The following TNRC18 variants were observed in gnomAD, a reference collection of about 807,000 sequenced individuals.
TNRC18 encodes the protein trinucleotide repeat containing 18, also known as trinucleotide repeat-containing gene 18 protein.
A neutral mutation model predicts 226.7 loss-of-function variants in TNRC18; 69 were observed. That is an observed-to-expected ratio of 0.30 (90% CI 0.25 to 0.37). TNRC18 has a LOEUF of 0.37. Ranked by LOEUF, TNRC18 falls within the 10% of genes least tolerant of loss-of-function variation. TNRC18 has a pLI of 1.00. For synonymous variants in TNRC18, 2,449 were observed against 1,927.6 expected, an observed-to-expected ratio of 1.27 and a Z score of -7.09; for missense variants, 4,754 against 4,256.6, an observed-to-expected ratio of 1.12 and a Z score of -3.25.
In TNRC18 at chr7:5,324,659, C is replaced by T. The variant is rs1292152646; in HGVS notation, c.6301-304G>A. Reference sequence around the variant, plus strand: ...CATCACTATGGCAGGTGCCTCCGTTCCCTTCTTAGAGAAACTTCAGCAGCA... The same window carrying T: ...CATCACTATGGCAGGTGCCTCCGTTTCCTTCTTAGAGAAACTTCAGCAGCA... On this transcript the variant is annotated intron_variant, in intron 20 of 29. Transcript: ENST00000430969. This position sits in a 1 kb window ranked among gnomAD's most constrained non-coding sequence, Gnocchi z 4.8. Among the ~76,000 whole-genome samples the T allele has an allele frequency of 6.6e-6, 1 of 152,232 alleles. No homozygotes were observed. Among genetic ancestry groups the T allele is most frequent in the Non-Finnish European group, 1.5e-5 (1 of 68,040 alleles).
At chr7:5,333,148 C>T (rs2128127880) in intron 18 of TNRC18, 99 bp from the exon 19 acceptor site, 2 of 1,355,028 alleles carry the variant, frequency 1.5e-6, no homozygotes, top group Non-Finnish European at 2.0e-6. Flanking sequence ...GGGACCTCCC[C>T]GCCAATGGCA....
chr7:5,353,963 G>A (rs577892244), intron 16 of TNRC18, among the ~76,000 whole-genome samples: 1 of 152,064 alleles, frequency 6.6e-6, no homozygotes, highest in Non-Finnish European at 1.5e-5. Context: ...AGCACTTTGG[G>A]AGGCCGAGGC....
At chr7:5,406,946 C>A (rs1562630633) in intron 2 of TNRC18, among the ~76,000 whole-genome samples, 1 of 152,206 alleles carries the variant, frequency 6.6e-6, no homozygotes, top group Admixed American at 6.5e-5. Context: ...AACACCCCCA[C>A]CTCCCTGCCA....
intron 18 of TNRC18, 44 bp downstream of exon 18, chr7:5,345,518 C>CCCG: frequency 1.2e-5 from 2 of 167,666 alleles, no homozygotes; most frequent in Non-Finnish European, 2.5e-5. Flanking sequence ...ATGGCGTCCG[C>CCCG]CCCTCCCACC....
Position 5,313,881 on chromosome 7 carries a change from T to A in TNRC18, c.7028-18A>T, listed in dbSNP as rs992810757. On this transcript the variant is annotated intron_variant, in intron 26 of 29. Transcript: ENST00000430969. ...GGCTCTGTCTGCAAAACAAAACAGA[T>A]GAGAAGCTGGGGCGGGGGCTTCCTG... is the stretch of plus-strand genomic sequence containing the variant. 84 of 1,432,540 alleles carry A rather than the reference T, an allele frequency of 5.9e-5. No individual in the cohort carries two copies. The highest frequency in any genetic ancestry group is 7.6e-5 in the Non-Finnish European group (83 of 1,092,506). 88.7% of individuals were successfully genotyped at this position (1,432,540 alleles called of 1,614,324 possible).
chr7:5,420,839 G>GC, intron 2 of TNRC18: 2 of 723,522 alleles, frequency 2.8e-6, no homozygotes, highest in Middle Eastern at 2.3e-4. Flanking sequence ...GCTCACGAGG[G>GC]CCAAGCACGC....
chr7:5,359,989 GA>G (rs1193612075), intron 14 of TNRC18, among the ~76,000 whole-genome samples: 4 of 146,412 alleles, frequency 2.7e-5, no homozygotes, highest in South Asian at 2.2e-4. Flanking sequence ...TCCAGTAAGG[GA>G]AAAAAAAAAC....
At chr7:5,420,335 G>C (rs1782477713) in intron 2 of TNRC18, 1 of 455,208 alleles carries the variant, frequency 2.2e-6, no homozygotes. Context: ...TTTCCCCCTA[G>C]GTTCGGGACC....
At position 5,387,572 on chromosome 7, in the gene TNRC18, A is replaced by G; in HGVS notation, c.2152+100T>C. ...ATTTTAAAAAATGATACTTATAAAGACTTAGCAATAGCAAAGGGAAAGGGC... is the reference window on the plus strand; with the variant it reads ...ATTTTAAAAAATGATACTTATAAAGGCTTAGCAATAGCAAAGGGAAAGGGC... On this transcript the variant is annotated intron_variant, in intron 5 of 29. Transcript: ENST00000430969. The G allele has an allele frequency of 3.4e-6, 5 of 1,479,616 alleles. No individual in the cohort carries two copies. In the South Asian group the frequency reaches 6.0e-5, roughly 18 times the overall value. The allele number at this position is 1,479,616 out of a possible 1,614,324, so 91.7% of individuals were successfully genotyped here.
Position 5,308,070 on chromosome 7 carries a change from C to T in TNRC18, c.*36G>A, listed in dbSNP as rs1297396240. On this transcript the variant is annotated 3_prime_UTR_variant, in exon 30 of 30. Coordinates refer to ENST00000430969, the MANE Select transcript of TNRC18 (RefSeq NM_001080495.3). Reference sequence around the variant, plus strand: ...GTGATGGAGATGGGTCCCTGGCCGCCCTCGGGGCACAGGTGGCCCGCAGGG... The same window carrying T: ...GTGATGGAGATGGGTCCCTGGCCGCTCTCGGGGCACAGGTGGCCCGCAGGG... The T allele has an allele frequency of 1.3e-6, 2 of 1,533,714 alleles. No individual in the cohort carries two copies. Among genetic ancestry groups the T allele is most frequent in the Non-Finnish European group, 8.8e-7 (1 of 1,135,844 alleles).
chr7:5,315,019 C>G lies in TNRC18; in HGVS notation c.6992G>C (p.Gly2331Ala). 6.2e-7 allele frequency: 1 copy of G among 1,608,486 alleles called. No individual in the cohort carries two copies. The highest frequency in any genetic ancestry group is 8.5e-7 in the Non-Finnish European group (1 of 1,178,108). Residue 2331 changes from glycine to alanine, a missense_variant, in exon 26 of 30, where the codon GGG becomes GCG. By Grantham distance (60) the Gly-to-Ala change is moderately conservative. Coordinates refer to ENST00000430969, the MANE Select transcript of TNRC18 (RefSeq NM_001080495.3). Reference sequence around the variant, plus strand: ...CTTGGCGCTGGGTTTCCGCCCACGCCCACGGGCCTTGGCTCCTGGCTCCTC... The same window carrying G: ...CTTGGCGCTGGGTTTCCGCCCACGCGCACGGGCCTTGGCTCCTGGCTCCTC... ...GSEEPGAKAR[G>A]RGRKPSAKAK...
At chr7:5,310,375 G>A (rs1414934747) in intron 27 of TNRC18, among the ~76,000 whole-genome samples, 1 of 151,886 alleles carries the variant, frequency 6.6e-6, no homozygotes, top group Non-Finnish European at 1.5e-5. Flanking sequence ...GATTACAGGC[G>A]TGCACCACCA....
chr7:5,356,957 G>A lies in TNRC18; in HGVS notation c.5153C>T (p.Ala1718Val), dbSNP rs1562539441. Residue 1718 changes from alanine (A) to valine (V), a missense_variant, in exon 16 of 30, where the codon GCC (alanine) becomes GTC (valine). By Grantham distance (64) the Ala-to-Val change is moderately conservative (BLOSUM62 0). Transcript: ENST00000430969. Reference protein sequence around the residue: ...GFKARGQPKSAHSPFASEVSS... With the variant: ...GFKARGQPKSVHSPFASEVSS... ...CACTTCCGAGGCAAACGGGGAATGG[G>A]CCGACTTGGGCTGGCCTCTGGCCTT... The A allele has an allele frequency of 3.9e-6, 6 of 1,551,468 alleles. No individual in the cohort carries two copies. The highest frequency in any genetic ancestry group is 1.7e-4 in the Middle Eastern group (1 of 5,986).
At chr7:5,410,971 C>T (rs1481209154) in intron 2 of TNRC18, among the ~76,000 whole-genome samples, 1 of 150,348 alleles carries the variant, frequency 6.7e-6, no homozygotes, top group African/African-American at 2.4e-5. Context: ...TTTGGGAGGC[C>T]GAGGCAGGTG....
intron 2 of TNRC18, among the ~76,000 whole-genome samples, chr7:5,408,837 A>T (rs578203862): frequency 3.9e-5 from 6 of 152,268 alleles, no homozygotes; most frequent in African/African-American, 1.4e-4. Context: ...AGCTGAGGAC[A>T]AGAGAGTTGG....
chr7:5,356,938 C>T lies in TNRC18; in HGVS notation c.5172G>A (p.Ser1724=), dbSNP rs1434424188. The T allele has an allele frequency of 5.8e-6, 9 of 1,549,186 alleles. No individual in the cohort carries two copies. The highest frequency in any genetic ancestry group is 4.1e-5 in the African/African-American group (3 of 72,966). Residue 1724 remains serine, a synonymous_variant, in exon 16 of 30, where the codon TCG becomes TCA. Transcript: ENST00000430969. ...TACTGTAAGAGTAGCTGCTCACTTC[C>T]GAGGCAAACGGGGAATGGGCCGACT... ...QPKSAHSPFA[S]EVSSYSYNTD... is the part of the protein sequence containing the mutation.
chr7:5,315,099 G>T lies in TNRC18; in HGVS notation c.6912C>A (p.Ser2304Arg), dbSNP rs1208286336. ...ALLVPSAKRR[S>R]RKTSKDTGEG... ...CCCCAGTGTCTTTGCTGGTCTTCCG[G>T]CTGCGGCGCTTGGCACTTGGCACCA... Residue 2304 changes from serine (S) to arginine (R), a missense_variant, in exon 26 of 30, where the codon AGC becomes AGA. Physicochemically the swap from Ser to Arg is moderately radical, Grantham distance 110. Coordinates refer to ENST00000430969, the MANE Select transcript of TNRC18 (RefSeq NM_001080495.3). 1 of 1,612,984 alleles carries T rather than the reference G, an allele frequency of 6.2e-7. No homozygotes were observed. Among genetic ancestry groups the T allele is most frequent in the Non-Finnish European group, 8.5e-7 (1 of 1,179,680 alleles).
At chr7:5,360,284 C>A (rs1792902467) in intron 14 of TNRC18, among the ~76,000 whole-genome samples, 1 of 151,960 alleles carries the variant, frequency 6.6e-6, no homozygotes, top group Non-Finnish European at 1.5e-5. Flanking sequence ...GGATGCAGTG[C>A]AATGGCTCGA....
At chr7:5,383,807 T>C (rs906391945) in intron 5 of TNRC18, among the ~76,000 whole-genome samples, 1 of 152,026 alleles carries the variant, frequency 6.6e-6, no homozygotes, top group Admixed American at 6.6e-5. Flanking sequence ...TTTTTGTTCT[T>C]TTAGAGACCG....
Sources: gnomAD v4.1 joint callset for allele counts (sites outside exome capture counted in the v4.1 genomes callset) on GRCh38, gnomAD v4.1.1 for gene constraint, Gnocchi (gnomAD v3.1) non-coding constraint, MANE v1.5 for transcripts, NCBI Gene and HGNC (gene_info 2026-07-23, HGNC 2026-07-21) for gene names.